Variants in CDH12 observed in about 807,000 individuals in gnomAD.
CDH12 encodes cadherin 12.
A neutral mutation model predicts 74.1 loss-of-function variants in CDH12; 41 were observed. That is an observed-to-expected ratio of 0.55 (90% CI 0.43 to 0.72). The LOEUF (loss-of-function observed/expected upper bound fraction) is 0.72. Ranked by LOEUF, CDH12 falls within the 30% of genes least tolerant of loss-of-function variation. CDH12 has a pLI of 0.00. For synonymous variants in CDH12, 399 were observed against 355.0 expected, an observed-to-expected ratio of 1.12 and a Z score of -1.39; for missense variants, 945 against 977.2, an observed-to-expected ratio of 0.97 and a Z score of 0.44.
intron 2 of CDH12, among the ~76,000 whole-genome samples, chr5:22,408,886 G>T (rs187037239): frequency 6.6e-6 from 1 of 151,840 alleles, no homozygotes; most frequent in Admixed American, 6.6e-5. Context: ...GAATAATTAA[G>T]TGAATTTTTT....
At chr5:22,074,394 T>C (rs1156689269) in intron 5 of CDH12, among the ~76,000 whole-genome samples, 1 of 152,160 alleles carries the variant, frequency 6.6e-6, no homozygotes, top group Non-Finnish European at 1.5e-5. Context: ...ATTCAGGACA[T>C]AGGCATGGGC....
chr5:22,818,048 C>T (rs189360087), intron 1 of CDH12, among the ~76,000 whole-genome samples: 2 of 152,252 alleles, frequency 1.3e-5, no homozygotes, highest in East Asian at 3.9e-4. Flanking sequence ...AAAAATCAAA[C>T]TGCAGCAAAG....
chr5:22,440,050 A>G (rs1333693813), intron 2 of CDH12, among the ~76,000 whole-genome samples: 1 of 152,112 alleles, frequency 6.6e-6, no homozygotes, highest in East Asian at 1.9e-4. Context: ...CAGAAGCTAA[A>G]ACCCATATCA....
At chr5:22,099,890 A>G (rs537641557) in intron 4 of CDH12, among the ~76,000 whole-genome samples, 6 of 152,222 alleles carry the variant, frequency 3.9e-5, no homozygotes, top group African/African-American at 1.4e-4. Context: ...AACTGTATCC[A>G]GGCCATCACC....
chr5:21,753,194 G>A (rs1744196499), intron 14 of CDH12, among the ~76,000 whole-genome samples: 1 of 152,130 alleles, frequency 6.6e-6, no homozygotes. Flanking sequence ...AGCAGAGTCT[G>A]GAAGACACCT....
chr5:21,842,136 A>C (rs560572447), intron 8 of CDH12, 25 bp downstream of exon 8: 1 of 1,577,044 alleles, frequency 6.3e-7, no homozygotes, highest in African/African-American at 1.4e-5. Context: ...GCAATAATTT[A>C]GGCTTAACAG....
intron 1 of CDH12, among the ~76,000 whole-genome samples, chr5:22,515,030 T>A (rs2126677267): frequency 6.6e-6 from 1 of 152,252 alleles, no homozygotes; most frequent in South Asian, 2.1e-4. Flanking sequence ...GTTTTAATAA[T>A]TGCATTTTAA....
chr5:22,771,149 T>C (rs1746784090), intron 1 of CDH12, among the ~76,000 whole-genome samples: 1 of 152,134 alleles, frequency 6.6e-6, no homozygotes, highest in Non-Finnish European at 1.5e-5. Context: ...AAGTCCATGG[T>C]TTATTTTGTC....
intron 2 of CDH12, among the ~76,000 whole-genome samples, chr5:22,456,865 C>T (rs894483239): frequency 2.6e-5 from 4 of 151,826 alleles, no homozygotes; most frequent in African/African-American, 9.7e-5. Flanking sequence ...GTGGAGCTCA[C>T]AACAAAAGAT....
At chr5:22,842,151 A>T (rs1330379133) in intron 1 of CDH12, among the ~76,000 whole-genome samples, 3 of 152,258 alleles carry the variant, frequency 2.0e-5, no homozygotes, top group Admixed American at 6.5e-5. Flanking sequence ...CGGAACCCCA[A>T]ATCAAATTCT....
intron 1 of CDH12, among the ~76,000 whole-genome samples, chr5:22,541,630 C>T (rs1738104857): frequency 1.3e-5 from 2 of 152,098 alleles, no homozygotes; most frequent in African/African-American, 2.4e-5. Context: ...CATCCCCCAC[C>T]CCAGTGGGGA....
chr5:22,242,248 T>A (rs1038302226), intron 3 of CDH12, among the ~76,000 whole-genome samples: 6 of 152,192 alleles, frequency 3.9e-5, no homozygotes, highest in African/African-American at 7.2e-5. Flanking sequence ...TTCAAGCTTT[T>A]ACTAAGATAT....
chr5:22,403,206 T>C (rs776045704), intron 3 of CDH12, among the ~76,000 whole-genome samples: 4 of 152,188 alleles, frequency 2.6e-5, no homozygotes, highest in Non-Finnish European at 5.9e-5. Context: ...GATTTTCTGT[T>C]GTTTTAAGAT....
At chr5:22,479,681 T>A (rs1746307622) in intron 2 of CDH12, among the ~76,000 whole-genome samples, 1 of 152,242 alleles carries the variant, frequency 6.6e-6, no homozygotes, top group African/African-American at 2.4e-5. Context: ...AAATGGATAA[T>A]GACATGAGCC....
At chr5:22,089,811 C>A (rs1173590571) in intron 4 of CDH12, among the ~76,000 whole-genome samples, 1 of 151,380 alleles carries the variant, frequency 6.6e-6, no homozygotes, top group Non-Finnish European at 1.5e-5. Flanking sequence ...ACAATGCCGT[C>A]TAAAATAACC....
intron 5 of CDH12, among the ~76,000 whole-genome samples, chr5:22,050,539 C>T (rs1740287179): frequency 6.6e-6 from 1 of 152,106 alleles, no homozygotes. Flanking sequence ...TCTGGTTAAA[C>T]TTACTATGTC....
intron 6 of CDH12, among the ~76,000 whole-genome samples, chr5:21,923,169 C>T (rs1262724353): frequency 6.6e-6 from 1 of 151,948 alleles, no homozygotes; most frequent in African/African-American, 2.4e-5. Context: ...AATAATAATA[C>T]AGCTAAGTTA....
chr5:22,811,762 G>A (rs895514033), intron 1 of CDH12, among the ~76,000 whole-genome samples: 1 of 152,144 alleles, frequency 6.6e-6, no homozygotes, highest in African/African-American at 2.4e-5. Context: ...AAAGGGATAA[G>A]AGGAGAGAGA....
At chr5:22,353,910 G>T (rs189707421) in intron 3 of CDH12, among the ~76,000 whole-genome samples, 1 of 152,274 alleles carries the variant, frequency 6.6e-6, no homozygotes. Context: ...CCTTAAAGGA[G>T]ACAGAATTAA....
Sources: allele counts gnomAD v4.1 joint callset (sites outside exome capture counted in the v4.1 genomes callset), GRCh38; gene constraint gnomAD v4.1.1; transcripts MANE v1.5; gene names NCBI Gene and HGNC (gene_info 2026-07-23, HGNC 2026-07-21).